ABCA4: variants seen among roughly 807,000 people sequenced by gnomAD.
The protein encoded by ABCA4 is ATP binding cassette subfamily A member 4, also known as retinal-specific phospholipid-transporting ATPase ABCA4.
In ABCA4, 196 loss-of-function variants were observed where a neutral mutation model predicts 263.7. That is an observed-to-expected ratio of 0.74 (90% CI 0.66 to 0.84). The LOEUF is 0.84. ABCA4 is among the 40% of genes least tolerant of loss of function. ABCA4 has a pLI of 0.00. For missense variants in ABCA4, 2,792 were observed against 2,855.1 expected, an observed-to-expected ratio of 0.98 and a Z score of 0.50; for synonymous variants, 1,133 against 1,094.2, an observed-to-expected ratio of 1.04 and a Z score of -0.70.
intron 6 of ABCA4, among the ~76,000 whole-genome samples, chr1:94,098,086 T>G (rs1223246851): frequency 6.6e-6 from 1 of 152,070 alleles, no homozygotes; most frequent in Non-Finnish European, 1.5e-5. Flanking sequence ...CTTTGCAGTG[T>G]GAAAACCTCT....
At chr1:94,048,675 C>G (rs1348668572) in intron 18 of ABCA4, among the ~76,000 whole-genome samples, 193 bp downstream of exon 18, 1 of 152,226 alleles carries the variant, frequency 6.6e-6, no homozygotes, top group African/African-American at 2.4e-5. Context: ...GCGCTAATGT[C>G]TGGGCTGAAC....
chr1:94,007,037 G>A (rs949169822), intron 43 of ABCA4, among the ~76,000 whole-genome samples: 5 of 152,176 alleles, frequency 3.3e-5, no homozygotes, highest in African/African-American at 9.7e-5. Flanking sequence ...AAGGGCACAC[G>A]CCAGTTTTCC....
chr1:94,021,398 A>C lies in ABCA4; in HGVS notation c.4860T>G (p.Asn1620Lys), dbSNP rs762559154. ...ETEDNIKVWF[N>K]NKGWHALVSF... ...TGACCAGGGCATGCCAGCCTTTGTT[A>C]TTAAACCACACCTAGAGGGTGGAGA... The change falls in exon 35 of 50, where the codon AAT becomes AAG. Residue 1620 changes from asparagine (N) to lysine (K), a missense_variant. Coordinates refer to ENST00000370225, the MANE Select transcript of ABCA4 (RefSeq NM_000350.3). 6.2e-7 allele frequency: 1 copy of C among 1,614,244 alleles called. No individual in the cohort carries two copies.
chr1:94,101,566 G>C (rs547161104), intron 5 of ABCA4, among the ~76,000 whole-genome samples: 1 of 152,204 alleles, frequency 6.6e-6, no homozygotes, highest in African/African-American at 2.4e-5. Context: ...CTGACCAGGT[G>C]GGGTGGGGTC....
At chr1:94,064,604 C>T (rs990295923) in intron 11 of ABCA4, among the ~76,000 whole-genome samples, 1 of 152,154 alleles carries the variant, frequency 6.6e-6, no homozygotes, top group Non-Finnish European at 1.5e-5. Flanking sequence ...CCAGGCCCTA[C>T]CCCAAGCAAT....
chr1:94,007,538 AGAGCCACCCTACTATAGGGTCTGAT>A, intron 43 of ABCA4, 71 bp downstream of exon 43: 1 of 1,175,800 alleles, frequency 8.5e-7, no homozygotes, highest in Non-Finnish European at 1.3e-6. Context: ...TCAGGGCCTC[AGAGCCACCCTACTATAGGGTCTGAT>A]GATCACCCTT....
At chr1:94,000,526 G>A (rs903829745) in intron 47 of ABCA4, among the ~76,000 whole-genome samples, 10 of 152,210 alleles carry the variant, frequency 6.6e-5, no homozygotes, top group Admixed American at 6.5e-4. Context: ...GTTGAGATAA[G>A]TGGTGAAATA....
rs918301393 is a variant in ABCA4, at chr1:94,063,379, C to A, written c.1555-62G>T. 1.1e-5 allele frequency: 16 copies of A among 1,497,420 alleles called. No homozygotes were observed. The African/African-American group carries it at 1.9e-4, about 18-fold the overall frequency. 92.8% of individuals were successfully genotyped at this position (1,497,420 alleles called of 1,614,324 possible). ...GACCAACTGCAAAGACTCAACTCTA[C>A]ACACAGAAAGTCACAGGATAAGGGC... On this transcript the variant is annotated intron_variant, in intron 11 of 49. Coordinates refer to ENST00000370225, the MANE Select transcript of ABCA4 (RefSeq NM_000350.3).
intron 17 of ABCA4, 103 bp from the exon 18 acceptor site, chr1:94,049,060 C>G: frequency 9.2e-7 from 1 of 1,085,534 alleles, no homozygotes; most frequent in Non-Finnish European, 1.4e-6. Context: ...GTTTCCTAGC[C>G]AGCCTTTGAC....
At chr1:94,008,384 A>G in intron 41 of ABCA4, 87 bp from the exon 42 acceptor site, 1 of 1,353,952 alleles carries the variant, frequency 7.4e-7, no homozygotes, top group Non-Finnish European at 1.1e-6. Context: ...AGGATGGTTT[A>G]GGAGAAAACT....
At chr1:94,010,501 A>G in intron 40 of ABCA4, 2 of 476,582 alleles carry the variant, frequency 4.2e-6, no homozygotes, top group Non-Finnish European at 7.8e-6. Flanking sequence ...TGTTATTTGC[A>G]ATACTATCAT....
Position 94,060,561 on chromosome 1 carries a change from G to A in ABCA4, c.2136C>T (p.Ile712=). 6.2e-7 allele frequency: 1 copy of A among 1,614,120 alleles called. No homozygotes were observed. The highest frequency in any genetic ancestry group is 1.7e-4 in the Middle Eastern group (1 of 5,996). Residue 712 remains isoleucine, a synonymous_variant, in exon 14 of 50, where the codon ATC becomes ATT. Transcript: ENST00000370225. ...LDSFSIMSMS[I]FLLTIFIMHG... is the part of the protein sequence containing the mutation. The stretch of plus-strand genomic sequence containing the variant: ...CCATGATGAATATCGTCAGGAGGAA[G>A]ATGCTCATCGACATGATGGAGAAGC...
chr1:94,010,978 C>G, intron 39 of ABCA4, 49 bp from the exon 40 acceptor site: 1 of 1,613,728 alleles, frequency 6.2e-7, no homozygotes, highest in Non-Finnish European at 8.5e-7. Context: ...CAGCTCACCC[C>G]ACAGACCTGG....
intron 1 of ABCA4, 101 bp from the exon 2 acceptor site, chr1:94,113,167 A>C: frequency 9.0e-7 from 1 of 1,115,710 alleles, no homozygotes; most frequent in Non-Finnish European, 1.3e-6. Context: ...CCATGTGTGC[A>C]GTAGGACTTT....
intron 27 of ABCA4, 26 bp from the exon 28 acceptor site, chr1:94,031,146 A>T: frequency 1.2e-6 from 2 of 1,613,664 alleles, no homozygotes; most frequent in South Asian, 2.2e-5. Context: ...CGTGGAATAA[A>T]CATGACTGTG....
intron 31 of ABCA4, 53 bp from the exon 32 acceptor site, chr1:94,023,471 TTA>T: frequency 7.1e-7 from 1 of 1,412,368 alleles, no homozygotes; most frequent in Non-Finnish European, 1.0e-6. Context: ...AGCAGTGCCG[TTA>T]ACTTTCTTTC....
intron 36 of ABCA4, among the ~76,000 whole-genome samples, chr1:94,016,065 C>A (rs1295377659): frequency 6.6e-6 from 1 of 152,128 alleles, no homozygotes; most frequent in Non-Finnish European, 1.5e-5. Context: ...GCCAAGGGAA[C>A]CTTTAGTTTG....
rs764915204 is a variant in ABCA4, at chr1:94,080,538, C to A, written c.1039G>T (p.Ala347Ser). The change falls in exon 8 of 50, where the codon GCC (alanine) becomes TCC (serine). Residue 347 changes from alanine (A) to serine (S), a missense_variant. Ala to Ser is a moderately conservative substitution (Grantham distance 99). Transcript: ENST00000370225. The part of the protein sequence containing the change: ...FNWYEDNNYK[A>S]FLGIDSTRKD... ...CTTGTGGAGTCAATCCCCAGAAAGG[C>A]CTTATAGTTATTGTCTTCATACCAG... 1 of 1,613,948 alleles carries A rather than the reference C, an allele frequency of 6.2e-7. No individual in the cohort carries two copies. The highest frequency in any genetic ancestry group is 1.3e-5 in the African/African-American group (1 of 74,898).
intron 30 of ABCA4, among the ~76,000 whole-genome samples, chr1:94,028,435 G>A (rs1198170189): frequency 6.6e-6 from 1 of 152,228 alleles, no homozygotes; most frequent in Non-Finnish European, 1.5e-5. Context: ...GATGCTGGCT[G>A]TGCATGTATT....
Sources: allele counts gnomAD v4.1 joint callset (sites outside exome capture counted in the v4.1 genomes callset), GRCh38; gene constraint gnomAD v4.1.1; transcripts MANE v1.5; gene names NCBI Gene and HGNC (gene_info 2026-07-23, HGNC 2026-07-21).